The following SLC6A5 variants were observed in gnomAD, a reference collection of about 807,000 sequenced individuals.
SLC6A5 encodes solute carrier family 6 member 5.
SLC6A5 carries 58 observed loss-of-function variants against 90.5 expected under a neutral mutation model. The observed-to-expected ratio is 0.64, with a 90% confidence interval of 0.52 to 0.80. SLC6A5 has a LOEUF of 0.80. Ranked by LOEUF, SLC6A5 falls within the 30% of genes least tolerant of loss-of-function variation. The pLI is 0.00. For missense variants in SLC6A5, 1,015 were observed against 1,017.6 expected, an observed-to-expected ratio of 1.00 and a Z score of 0.03; for synonymous variants, 427 against 401.4, an observed-to-expected ratio of 1.06 and a Z score of -0.76.
chr11:20,633,953 C>G (rs1276791730), intron 10 of SLC6A5, among the ~76,000 whole-genome samples: 2 of 152,124 alleles, frequency 1.3e-5, no homozygotes, highest in Non-Finnish European at 2.9e-5. Flanking sequence ...CTCACTGCAA[C>G]TTCTGCCTCC....
intron 6 of SLC6A5, among the ~76,000 whole-genome samples, chr11:20,616,098 G>A (rs934080296): frequency 2.6e-5 from 4 of 152,172 alleles, no homozygotes; most frequent in South Asian, 2.1e-4. Context: ...CTTAGATGAC[G>A]ACAAATGATT....
chr11:20,599,738 C>T (rs375822892), intron 1 of SLC6A5, 63 bp downstream of exon 1: 181 of 1,597,956 alleles, frequency 1.1e-4, no homozygotes, highest in Non-Finnish European at 1.5e-4. Flanking sequence ...AAAGCAGATT[C>T]GTTTTGGCTA....
At chr11:20,627,181 A>G (rs1194385234) in intron 8 of SLC6A5, among the ~76,000 whole-genome samples, 1 of 152,194 alleles carries the variant, frequency 6.6e-6, no homozygotes, top group Non-Finnish European at 1.5e-5. Context: ...AAATAACAGC[A>G]CTTAGTGTAA....
intron 3 of SLC6A5, among the ~76,000 whole-genome samples, chr11:20,606,685 G>T (rs1014080468): frequency 8.6e-5 from 13 of 152,008 alleles, no homozygotes; most frequent in Non-Finnish European, 1.2e-4. Context: ...CTCTGGGAGG[G>T]CTTCATTTTG....
intron 15 of SLC6A5, among the ~76,000 whole-genome samples, chr11:20,654,130 C>T (rs913250202): frequency 1.1e-4 from 17 of 152,208 alleles, no homozygotes; most frequent in African/African-American, 2.9e-4. Context: ...AGAACCCACA[C>T]TGCTGAACCA....
chr11:20,651,840 G>A (rs1853538468), intron 14 of SLC6A5, among the ~76,000 whole-genome samples: 1 of 151,944 alleles, frequency 6.6e-6, no homozygotes, highest in Non-Finnish European at 1.5e-5. Flanking sequence ...CTGGGAGGGG[G>A]AGGTTGCAGT....
intron 7 of SLC6A5, among the ~76,000 whole-genome samples, chr11:20,623,510 C>T (rs180698588): frequency 1.2e-4 from 19 of 152,304 alleles, no homozygotes; most frequent in African/African-American, 3.6e-4. Flanking sequence ...CTGCTGTGGC[C>T]TCCTTACTGT....
rs773115639 is a variant in SLC6A5, at chr11:20,628,023, C to T, written c.1439C>T (p.Ala480Val). Residue 480 changes from alanine (A) to valine (V), a missense_variant, in exon 9 of 16, where the codon GCT (alanine) becomes GTT (valine). By Grantham distance (64) the Ala-to-Val change is moderately conservative (BLOSUM62 0). This residue lies in a region of SLC6A5 where 442 missense variants were observed against 494.3 expected (regional missense o/e 0.89). Coordinates refer to ENST00000525748, the MANE Select transcript of SLC6A5 (RefSeq NM_004211.5). ...AATQIFFSLS[A>V]AWGGLITLSS... The stretch of plus-strand genomic sequence containing the variant: ...ACTCAGATTTTCTTCTCTTTATCTG[C>T]TGCATGGGGAGGCCTGATCACTCTC... 6.2e-7 allele frequency: 1 copy of T among 1,614,136 alleles called. No individual in the cohort carries two copies. The highest frequency in any genetic ancestry group is 1.7e-5 in the Admixed American group (1 of 60,016).
intron 7 of SLC6A5, among the ~76,000 whole-genome samples, chr11:20,625,552 G>T (rs1006004741): frequency 6.6e-6 from 1 of 152,108 alleles, no homozygotes; most frequent in African/African-American, 2.4e-5. Flanking sequence ...ATAAGCCACC[G>T]CGCCCGGCCT....
chr11:20,608,954 C>CTG (rs1565273627), intron 5 of SLC6A5, among the ~76,000 whole-genome samples: 3 of 108,932 alleles, frequency 2.8e-5, no homozygotes, highest in Non-Finnish European at 6.0e-5. Flanking sequence ...CTCTCTCTCT[C>CTG]TCTCTGTGTG....
chr11:20,649,325 A>G (rs563411428), intron 14 of SLC6A5, among the ~76,000 whole-genome samples: 1 of 152,294 alleles, frequency 6.6e-6, no homozygotes, highest in South Asian at 2.1e-4. Flanking sequence ...ATCATTGTCA[A>G]CTGATGAGTC....
At chr11:20,620,730 G>A (rs780296289) in intron 7 of SLC6A5, among the ~76,000 whole-genome samples, 2 of 152,204 alleles carry the variant, frequency 1.3e-5, no homozygotes, top group Admixed American at 6.5e-5. Context: ...CTTTTAAGTG[G>A]AAGTAGTGGG....
At chr11:20,633,622 T>C (rs1035364679) in intron 10 of SLC6A5, among the ~76,000 whole-genome samples, 3 of 152,192 alleles carry the variant, frequency 2.0e-5, no homozygotes, top group African/African-American at 7.2e-5. Flanking sequence ...TCTGCTCAAG[T>C]TACTGAAATG....
At chr11:20,615,052 G>A (rs113826900) in intron 6 of SLC6A5, among the ~76,000 whole-genome samples, 20 of 152,306 alleles carry the variant, frequency 1.3e-4, no homozygotes, top group Non-Finnish European at 2.6e-4. Context: ...AATTCATGAT[G>A]CTGATGAAAA....
chr11:20,601,520 C>A lies in SLC6A5; in HGVS notation c.395C>A (p.Ala132Glu), dbSNP rs34243519. 2 of 1,613,976 alleles carry A rather than the reference C, an allele frequency of 1.2e-6. No individual in the cohort carries two copies. Among genetic ancestry groups the A allele is most frequent in the African/African-American group, 2.7e-5 (2 of 74,928 alleles). The change falls in exon 2 of 16, where the codon GCG becomes GAG. Residue 132 changes from alanine to glutamate, a missense_variant. Ala to Glu is a moderately radical substitution (Grantham distance 107, BLOSUM62 -1). This residue lies in a region of SLC6A5 where 567 missense variants were observed against 507.3 expected (regional missense o/e 1.12). Transcript: ENST00000525748. ...TTTCTGCGAGGCCCGGAGGGGGATGCGAACGTGAGTGTGGGCAAGGGCACC... is the reference window on the plus strand; with the variant it reads ...TTTCTGCGAGGCCCGGAGGGGGATGAGAACGTGAGTGTGGGCAAGGGCACC... ...IPFLRGPEGD[A>E]NVSVGKGTLE...
chr11:20,646,053 G>T (rs1346308784), intron 13 of SLC6A5, among the ~76,000 whole-genome samples: 1 of 152,208 alleles, frequency 6.6e-6, no homozygotes, highest in Admixed American at 6.5e-5. Flanking sequence ...TCCTGGGAAG[G>T]CCACAGTTCT....
chr11:20,637,332 G>T (rs771728557), intron 12 of SLC6A5, 29 bp downstream of exon 12: 1 of 1,604,780 alleles, frequency 6.2e-7, no homozygotes, highest in Non-Finnish European at 8.5e-7. Flanking sequence ...ACAGGCTTGG[G>T]GTGGGGGCAG....
intron 9 of SLC6A5, among the ~76,000 whole-genome samples, chr11:20,630,305 C>G (rs2133802576): frequency 6.6e-6 from 1 of 152,302 alleles, no homozygotes; most frequent in South Asian, 2.1e-4. Context: ...GCACTAATCC[C>G]ATGAGTTGGC....
intron 13 of SLC6A5, among the ~76,000 whole-genome samples, chr11:20,646,313 T>C (rs532030689): frequency 6.6e-6 from 1 of 152,318 alleles, no homozygotes; most frequent in African/African-American, 2.4e-5. Context: ...CGTTGGTTTT[T>C]GTGTGCTATT....
Sources: gnomAD v4.1 joint callset for allele counts (sites outside exome capture counted in the v4.1 genomes callset) on GRCh38, gnomAD v4.1.1 for gene constraint, gnomAD v4.1.1 regional missense constraint, MANE v1.5 for transcripts, NCBI Gene and HGNC (gene_info 2026-07-23, HGNC 2026-07-21) for gene names.